Variants in SORCS2 observed in about 807,000 individuals in gnomAD.
The protein encoded by SORCS2 is VPS10 domain-containing receptor SorCS2.
A neutral mutation model predicts 141.6 loss-of-function variants in SORCS2; 100 were observed. That is an observed-to-expected ratio of 0.71 (90% CI 0.60 to 0.83). SORCS2 has a LOEUF of 0.83. Among genes scored for constraint, SORCS2 ranks in the 40% least tolerant of loss-of-function variants. SORCS2 has a pLI of 0.00. For synonymous variants in SORCS2, 789 were observed against 676.9 expected, an observed-to-expected ratio of 1.17 and a Z score of -2.57; for missense variants, 1,646 against 1,560.2, an observed-to-expected ratio of 1.05 and a Z score of -0.93.
chr4:7,641,354 T>C (rs920557958), intron 4 of SORCS2, among the ~76,000 whole-genome samples: 5 of 151,984 alleles, frequency 3.3e-5, no homozygotes, highest in African/African-American at 1.2e-4. Flanking sequence ...AGAGCACAAG[T>C]TGGGAAATGC....
At chr4:7,419,425 T>G (rs1297253975) in intron 2 of SORCS2, among the ~76,000 whole-genome samples, 1 of 152,120 alleles carries the variant, frequency 6.6e-6, no homozygotes. Context: ...TGGCCAGAAC[T>G]CAGGTTACAG....
intron 12 of SORCS2, among the ~76,000 whole-genome samples, chr4:7,701,283 G>A (rs752219784): frequency 3.3e-5 from 5 of 152,054 alleles, no homozygotes; most frequent in East Asian, 1.9e-4. Flanking sequence ...GGAGGGAGAC[G>A]GGAAGAGGGA....
intron 3 of SORCS2, among the ~76,000 whole-genome samples, chr4:7,557,160 C>G (rs1279048301): frequency 6.6e-6 from 1 of 152,158 alleles, no homozygotes; most frequent in Non-Finnish European, 1.5e-5. Context: ...TATGGGGACA[C>G]TGAGGAAAGG....
chr4:7,668,916 C>G (rs545096730), intron 8 of SORCS2, among the ~76,000 whole-genome samples: 27 of 152,204 alleles, frequency 1.8e-4, no homozygotes, highest in African/African-American at 5.8e-4. Flanking sequence ...CTCTGCTCCC[C>G]TCTAGCATTG....
At chr4:7,341,075 AT>A (rs1560205546) in intron 1 of SORCS2, among the ~76,000 whole-genome samples, 1 of 152,336 alleles carries the variant, frequency 6.6e-6, no homozygotes, top group East Asian at 1.9e-4. Context: ...AGAAAGGAAA[AT>A]ACAGATGTGC....
At chr4:7,419,072 C>G (rs1725879028) in intron 2 of SORCS2, among the ~76,000 whole-genome samples, 1 of 152,210 alleles carries the variant, frequency 6.6e-6, no homozygotes, top group African/African-American at 2.4e-5. Flanking sequence ...AAGCAAATCA[C>G]AAAGATTGAC....
rs534131822 is a variant in SORCS2 at position 7,510,334 on chromosome 4, G to A, written c.549-21196G>A. 9.8e-5 allele frequency among the ~76,000 whole-genome samples: 15 copies of A among 152,336 alleles called. No homozygotes were observed. In the East Asian group the frequency reaches 2.5e-3, roughly 25 times the overall value. ...TGAGCGCCCTGCCCTCCCCAGCTGT[G>A]GGCAGCCTTGTCCGTGTGGTGTCCT... On this transcript the variant is annotated intron_variant, in intron 2 of 26. Coordinates refer to ENST00000507866, the MANE Select transcript of SORCS2 (RefSeq NM_020777.3).
intron 19 of SORCS2, among the ~76,000 whole-genome samples, chr4:7,724,256 T>G (rs928700700): frequency 9.0e-5 from 13 of 144,480 alleles, no homozygotes; most frequent in South Asian, 4.5e-4. Context: ...GACGTTGGTG[T>G]TGGTGATGGT....
rs562147093 is a variant in SORCS2 at position 7,345,565 on chromosome 4, C to CTAGACAAGTCCTAGGACCTCTCCA, written c.481-50698_481-50675dup. 3.9e-5 allele frequency among the ~76,000 whole-genome samples: 6 copies of CTAGACAAGTCCTAGGACCTCTCCA among 152,314 alleles called. No individual in the cohort carries two copies. In the East Asian group the frequency reaches 7.7e-4, roughly 20 times the overall value. On this transcript the variant is annotated intron_variant, in intron 1 of 26. Transcript: ENST00000507866. The stretch of plus-strand genomic sequence containing the variant: ...AATGCTGCTGGCTAGCTGCATCACT[C>CTAGACAAGTCCTAGGACCTCTCCA]TAGACAAGTCCTAGGACCTCTCCAT...
intron 2 of SORCS2, chr4:7,433,668 C>T (rs368640205): frequency 1.1e-5 from 18 of 1,609,514 alleles, no homozygotes; most frequent in African/African-American, 2.7e-5. Context: ...GGGAGGACAC[C>T]GTGAGCAGCC....
chr4:7,539,124 C>G (rs1712364570), intron 3 of SORCS2, among the ~76,000 whole-genome samples: 1 of 152,138 alleles, frequency 6.6e-6, no homozygotes, highest in Non-Finnish European at 1.5e-5. Flanking sequence ...GTCTAAGGGC[C>G]CCATCAGTGC....
intron 2 of SORCS2, among the ~76,000 whole-genome samples, chr4:7,513,664 C>T (rs552725538): frequency 1.3e-5 from 2 of 152,308 alleles, no homozygotes; most frequent in South Asian, 2.1e-4. Flanking sequence ...CCAAACCCAG[C>T]GTTCTGCCTC....
intron 18 of SORCS2, among the ~76,000 whole-genome samples, chr4:7,718,786 T>C (rs949717388): frequency 9.8e-5 from 15 of 152,358 alleles, no homozygotes; most frequent in African/African-American, 3.6e-4. Context: ...TGTAGAACAT[T>C]TGGAAAACAC....
At chr4:7,660,790 C>T (rs1485146936) in intron 5 of SORCS2, among the ~76,000 whole-genome samples, 3 of 152,302 alleles carry the variant, frequency 2.0e-5, no homozygotes, top group East Asian at 1.9e-4. Context: ...TGCAAACTGT[C>T]GAGTGATGGG....
At chr4:7,336,245 G>A (rs1204022988) in intron 1 of SORCS2, among the ~76,000 whole-genome samples, 1 of 152,130 alleles carries the variant, frequency 6.6e-6, no homozygotes, top group African/African-American at 2.4e-5. Flanking sequence ...GGGGTTTCAG[G>A]GAGCCGTCTG....
chr4:7,215,828 CT>C (rs1728312087), intron 1 of SORCS2, among the ~76,000 whole-genome samples: 1 of 151,950 alleles, frequency 6.6e-6, no homozygotes, highest in South Asian at 2.1e-4. Context: ...CGTGGAGAAC[CT>C]TTGTATCTAG....
intron 3 of SORCS2, among the ~76,000 whole-genome samples, chr4:7,609,326 T>C (rs1160345500): frequency 6.6e-6 from 1 of 152,186 alleles, no homozygotes; most frequent in East Asian, 1.9e-4. Flanking sequence ...CAGCCAAAGT[T>C]TCTGTTAGCA....
intron 2 of SORCS2, among the ~76,000 whole-genome samples, chr4:7,512,161 C>T (rs2109469269): frequency 6.6e-6 from 1 of 152,214 alleles, no homozygotes; most frequent in South Asian, 2.1e-4. Flanking sequence ...GAGCAGTTCT[C>T]CAGGCGGTGT....
intron 1 of SORCS2, among the ~76,000 whole-genome samples, chr4:7,243,205 A>G (rs368433766): frequency 1.1e-4 from 16 of 152,306 alleles, no homozygotes; most frequent in African/African-American, 3.6e-4. Context: ...GCCAGCATTG[A>G]GATGCTCTCT....
Sources: gnomAD v4.1 joint callset for allele counts (sites outside exome capture counted in the v4.1 genomes callset) on GRCh38, gnomAD v4.1.1 for gene constraint, MANE v1.5 for transcripts, NCBI Gene and HGNC (gene_info 2026-07-23, HGNC 2026-07-21) for gene names.